PCDH15: variants seen among roughly 807,000 people sequenced by gnomAD.
PCDH15 encodes protocadherin related 15, also known as protocadherin-15.
PCDH15 carries 129 observed loss-of-function variants against 178.5 expected under a neutral mutation model. The ratio of observed to expected loss-of-function variants is 0.72; its 90% CI spans 0.63 to 0.84. The LOEUF is 0.84. Among genes scored for constraint, PCDH15 ranks in the 40% least tolerant of loss-of-function variants. The probability of loss-of-function intolerance (pLI) is 0.00; values close to 1 mark genes in which losing one functional copy is unlikely to be tolerated. For missense variants in PCDH15, 2,230 were observed against 2,099.9 expected (o/e 1.06, Z -1.21); for synonymous variants, 800 against 732.0 (o/e 1.09, Z -1.50).
At chr10:55,421,645 T>G (rs527355332) in intron 2 of PCDH15, among the ~76,000 whole-genome samples, 1 of 151,502 alleles carries the variant, frequency 6.6e-6, no homozygotes, top group East Asian at 1.9e-4. Flanking sequence ...GAACATCATT[T>G]TATTAACATA....
At chr10:54,187,332 T>C (rs1361604254) in intron 11 of PCDH15, among the ~76,000 whole-genome samples, 1 of 151,910 alleles carries the variant, frequency 6.6e-6, no homozygotes, top group Non-Finnish European at 1.5e-5. Context: ...TTTTTAAGCA[T>C]TTTTGTGTGT....
intron 2 of PCDH15, among the ~76,000 whole-genome samples, chr10:54,642,557 G>T (rs185089779): frequency 6.6e-6 from 1 of 150,392 alleles, no homozygotes; most frequent in East Asian, 1.9e-4. Context: ...ATAATTAAAT[G>T]AACTGTCACC....
At chr10:55,538,102 T>A (rs767978514) in intron 2 of PCDH15, among the ~76,000 whole-genome samples, 26 of 152,184 alleles carry the variant, frequency 1.7e-4, no homozygotes, top group Non-Finnish European at 3.2e-4. Context: ...TCTAAAGAGC[T>A]GCACAGTTCA....
At chr10:54,841,353 G>C (rs1468157346) in intron 3 of PCDH15, among the ~76,000 whole-genome samples, 1 of 151,724 alleles carries the variant, frequency 6.6e-6, no homozygotes, top group Non-Finnish European at 1.5e-5. Flanking sequence ...AAATAAAAAA[G>C]CATCTTAAAA....
At chr10:55,532,709 A>C (rs970842574) in intron 2 of PCDH15, among the ~76,000 whole-genome samples, 2 of 152,036 alleles carry the variant, frequency 1.3e-5, no homozygotes, top group Admixed American at 6.6e-5. Context: ...ATAGTCTTTG[A>C]TAGATTGGTG....
intron 25 of PCDH15, among the ~76,000 whole-genome samples, chr10:53,917,459 A>G (rs2083620514): frequency 6.6e-6 from 1 of 152,230 alleles, no homozygotes; most frequent in Admixed American, 6.5e-5. Flanking sequence ...ACTAAAATAA[A>G]TAAACAAGCT....
intron 33 of PCDH15, among the ~76,000 whole-genome samples, chr10:53,818,834 CAA>C (rs1223797297): frequency 6.6e-6 from 1 of 151,956 alleles, no homozygotes; most frequent in Non-Finnish European, 1.5e-5. Context: ...GCACATATTA[CAA>C]AGAGGCACAT....
At chr10:54,047,064 T>C (rs1188960170) in intron 18 of PCDH15, among the ~76,000 whole-genome samples, 1 of 152,154 alleles carries the variant, frequency 6.6e-6, no homozygotes, top group Non-Finnish European at 1.5e-5. Context: ...CATAAATAAG[T>C]AATGTAGCAT....
chr10:54,361,158 C>T (rs1966747), intron 5 of PCDH15, among the ~76,000 whole-genome samples: 152,163 of 152,166 alleles, frequency 1, 76,080 homozygotes, highest in Middle Eastern at 1. Flanking sequence ...ACTCAGGTCC[C>T]TAATTGACCC....
chr10:55,602,547 A>C (rs183342153), intron 2 of PCDH15, among the ~76,000 whole-genome samples: 7 of 152,090 alleles, frequency 4.6e-5, no homozygotes, highest in African/African-American at 1.2e-4. Flanking sequence ...ATCTGAGAAC[A>C]GGCAGACTGC....
chr10:55,214,036 G>T (rs1201807915), intron 1 of PCDH15, among the ~76,000 whole-genome samples: 2 of 152,002 alleles, frequency 1.3e-5, no homozygotes, highest in South Asian at 4.2e-4. Context: ...TTATTTAGAA[G>T]TTTATTCCTA....
intron 2 of PCDH15, among the ~76,000 whole-genome samples, chr10:54,598,216 A>G (rs1040571440): frequency 6.6e-6 from 1 of 152,138 alleles, no homozygotes; most frequent in African/African-American, 2.4e-5. Context: ...ATGAACTTTG[A>G]TGCAAATATC....
Position 54,260,036 on chromosome 10 carries a change from A to G in PCDH15, c.877-23105T>C, listed in dbSNP as rs541735279. ...CACTAGAAGCAAGGAAGATCATAGG[A>G]AAGATATAACCTGTCAACTTTGATT... On this transcript the variant is annotated intron_variant, in intron 8 of 37. Transcript: ENST00000644397. 1.4e-3 allele frequency among the ~76,000 whole-genome samples: 213 copies of G among 152,336 alleles called. 1 individual carries two copies. Among genetic ancestry groups the G allele is most frequent in the African/African-American group, 5.0e-3 (207 of 41,586 alleles).
At chr10:54,811,283 G>C (rs927811621) in intron 3 of PCDH15, among the ~76,000 whole-genome samples, 9 of 151,850 alleles carry the variant, frequency 5.9e-5, no homozygotes, top group Non-Finnish European at 1.0e-4. Flanking sequence ...ATTTATGGAG[G>C]ATAAAAAACA....
chr10:55,153,960 TC>T (rs1308200727), intron 2 of PCDH15, among the ~76,000 whole-genome samples: 1 of 152,186 alleles, frequency 6.6e-6, no homozygotes, highest in Non-Finnish European at 1.5e-5. Context: ...ATTGGCTTTC[TC>T]ATTAAAAATA....
Position 55,283,945 on chromosome 10 carries a change from T to C in PCDH15, c.-156+35654A>G, listed in dbSNP as rs143866049. On this transcript the variant is annotated intron_variant, in intron 1 of 5. Transcript: ENST00000458638. Reference sequence around the variant, plus strand: ...CTATTACTATTTGTTCTGTAAACTATGCAAATCAAAATTAAGCTCTATACA... The same window carrying C: ...CTATTACTATTTGTTCTGTAAACTACGCAAATCAAAATTAAGCTCTATACA... Among the ~76,000 whole-genome samples the C allele has an allele frequency of 4.5e-3, 675 of 151,172 alleles. 7 individuals are homozygous for C. Among genetic ancestry groups the C allele is most frequent in the African/African-American group, 0.015 (624 of 40,560 alleles).
In PCDH15 at chr10:54,526,479, A is replaced by G. The variant is rs549010378; in HGVS notation, c.157+1333T>C. On this transcript the variant is annotated intron_variant, in intron 3 of 37. Transcript: ENST00000644397. ...TCTTTAAAAATAGTTAGCCATAAGG[A>G]AGCCATAATTCATCACTGTAACAGA... Among the ~76,000 whole-genome samples, 4 of 152,324 alleles carry G rather than the reference A, an allele frequency of 2.6e-5. No individual in the cohort carries two copies. The East Asian group carries it at 7.7e-4, about 29-fold the overall frequency.
chr10:54,324,902 A>G (rs1317182981), intron 7 of PCDH15, among the ~76,000 whole-genome samples: 2 of 152,148 alleles, frequency 1.3e-5, no homozygotes, highest in South Asian at 4.1e-4. Flanking sequence ...GCTTTGAAGA[A>G]AAATGATATG....
chr10:54,507,905 A>T (rs961924894), intron 3 of PCDH15, among the ~76,000 whole-genome samples: 2 of 152,000 alleles, frequency 1.3e-5, no homozygotes, highest in Non-Finnish European at 2.9e-5. Context: ...TCATAGCACA[A>T]ATATTATGTT....
Sources: allele counts gnomAD v4.1 joint callset (sites outside exome capture counted in the v4.1 genomes callset), GRCh38; gene constraint gnomAD v4.1.1; transcripts MANE v1.5; gene names NCBI Gene and HGNC (gene_info 2026-07-23, HGNC 2026-07-21).